The following TSHZ3 variants were observed in gnomAD, a reference collection of about 807,000 sequenced individuals.
The protein encoded by TSHZ3 is teashirt zinc finger homeobox 3.
In TSHZ3, 10 loss-of-function variants were observed where a neutral mutation model predicts 64.5. That is an observed-to-expected ratio of 0.16 (90% CI 0.10 to 0.26). The LOEUF (loss-of-function observed/expected upper bound fraction) is 0.26, where lower values mean the gene tolerates loss of function less well. Ranked by LOEUF, TSHZ3 falls within the 10% of genes least tolerant of loss-of-function variation. The pLI is 1.00. For missense variants in TSHZ3, 1,242 were observed against 1,421.7 expected, an observed-to-expected ratio of 0.87 and a Z score of 2.03; for synonymous variants, 608 against 593.1, an observed-to-expected ratio of 1.03 and a Z score of -0.36.
intron 1 of TSHZ3, among the ~76,000 whole-genome samples, chr19:31,284,658 G>A (rs960468381): frequency 6.6e-6 from 1 of 152,136 alleles, no homozygotes; most frequent in Non-Finnish European, 1.5e-5. Flanking sequence ...CCTTCCCCGG[G>A]CCTCAGGGAA....
chr19:31,257,657 A>C (rs1410924302), intron 1 of TSHZ3, among the ~76,000 whole-genome samples: 1 of 123,658 alleles, frequency 8.1e-6, no homozygotes, highest in Non-Finnish European at 1.5e-5. Context: ...GCCTGGCAGC[A>C]CAGATTGGCC....
chr19:31,317,206 A>G (rs761871369), intron 1 of TSHZ3, among the ~76,000 whole-genome samples: 38 of 151,940 alleles, frequency 2.5e-4, no homozygotes, highest in Non-Finnish European at 4.9e-4. Flanking sequence ...GCATGCCCCC[A>G]GCCCCAGCCC....
intron 3 of TSHZ3, among the ~76,000 whole-genome samples, chr19:31,240,136 C>T (rs1975668874): frequency 6.6e-6 from 1 of 151,948 alleles, no homozygotes. Flanking sequence ...TGCTGGTGTG[C>T]TCCTTACAAT....
At chr19:31,303,740 A>G (rs1011016903) in intron 1 of TSHZ3, among the ~76,000 whole-genome samples, 1 of 152,176 alleles carries the variant, frequency 6.6e-6, no homozygotes, top group African/African-American at 2.4e-5. Flanking sequence ...TGGCAAAAAG[A>G]TGGCACCCGC....
At chr19:31,329,318 G>A (rs1599651906) in intron 1 of TSHZ3, among the ~76,000 whole-genome samples, 1 of 152,226 alleles carries the variant, frequency 6.6e-6, no homozygotes. Flanking sequence ...AAATGAAGGT[G>A]TCACGCTGCC....
chr19:31,349,142 G>A (rs552514222), intron 1 of TSHZ3, 38 bp downstream of exon 1: 523 of 1,532,952 alleles, frequency 3.4e-4, no homozygotes, highest in Non-Finnish European at 4.3e-4. Context: ...CGGAGGAAGA[G>A]GAGGAGGAGA....
intron 5 of TSHZ3, among the ~76,000 whole-genome samples, chr19:31,179,706 G>A (rs1974673426): frequency 6.7e-6 from 1 of 150,322 alleles, no homozygotes; most frequent in Non-Finnish European, 1.5e-5. Flanking sequence ...GGTGGTGATG[G>A]TGGTGGTAAC....
chr19:31,344,774 C>G (rs1423763068), intron 1 of TSHZ3, among the ~76,000 whole-genome samples: 1 of 152,224 alleles, frequency 6.6e-6, no homozygotes, highest in Non-Finnish European at 1.5e-5. Context: ...CTCAACTCAC[C>G]TGGGTTTCAC....
intron 5 of TSHZ3, among the ~76,000 whole-genome samples, chr19:31,168,769 T>C (rs1391580949): frequency 1.3e-5 from 2 of 152,074 alleles, no homozygotes; most frequent in East Asian, 1.9e-4. Context: ...TGGAATGCAA[T>C]AGGTTCTGTA....
chr19:31,288,611 T>C (rs947133885), intron 1 of TSHZ3, among the ~76,000 whole-genome samples: 4 of 151,992 alleles, frequency 2.6e-5, no homozygotes, highest in African/African-American at 9.7e-5. Context: ...GGTGTGATCA[T>C]GGCTCACTGC....
intron 1 of TSHZ3, among the ~76,000 whole-genome samples, chr19:31,245,723 A>G (rs1188086596): frequency 6.6e-6 from 1 of 152,174 alleles, no homozygotes; most frequent in African/African-American, 2.4e-5. Context: ...GGATGCTTCA[A>G]GATAGTTGCA....
At chr19:31,322,055 C>G (rs1328554446) in intron 1 of TSHZ3, among the ~76,000 whole-genome samples, 1 of 152,160 alleles carries the variant, frequency 6.6e-6, no homozygotes, top group African/African-American at 2.4e-5. Context: ...TGTTCAACTC[C>G]CACTTATGAG....
chr19:31,334,747 T>C (rs949823162), intron 1 of TSHZ3, among the ~76,000 whole-genome samples: 2 of 152,188 alleles, frequency 1.3e-5, no homozygotes, highest in African/African-American at 4.8e-5. Flanking sequence ...CCATAACATA[T>C]GGCTTTGAAT....
At chr19:31,202,439 GT>G (rs1975101789) in intron 5 of TSHZ3, among the ~76,000 whole-genome samples, 1 of 152,002 alleles carries the variant, frequency 6.6e-6, no homozygotes, top group Admixed American at 6.6e-5. Flanking sequence ...GCTATTTGCT[GT>G]TTTGTAATTT....
chr19:31,261,078 C>T (rs1300940773), intron 1 of TSHZ3, among the ~76,000 whole-genome samples: 2 of 152,126 alleles, frequency 1.3e-5, no homozygotes, highest in Non-Finnish European at 2.9e-5. Flanking sequence ...AGAGAAGCAA[C>T]CTGGAAACTT....
At chr19:31,327,868 C>A (rs1223863574) in intron 1 of TSHZ3, among the ~76,000 whole-genome samples, 2 of 152,186 alleles carry the variant, frequency 1.3e-5, no homozygotes, top group African/African-American at 4.8e-5. Context: ...CTACGATATT[C>A]TCTTATTTGT....
At chr19:31,179,717 AATG>A in intron 5 of TSHZ3, among the ~76,000 whole-genome samples, 1 of 141,510 alleles carries the variant, frequency 7.1e-6, no homozygotes, top group East Asian at 2.1e-4. Context: ...TGGTGGTAAC[AATG>A]ATGATGGTAG....
intron 5 of TSHZ3, among the ~76,000 whole-genome samples, chr19:31,193,264 A>G (rs1390717969): frequency 1.3e-5 from 2 of 152,220 alleles, no homozygotes; most frequent in African/African-American, 4.8e-5. Flanking sequence ...CTTTCACTCA[A>G]GAATCCTTTA....
chr19:31,253,461 G>T (rs1456351618), intron 1 of TSHZ3, among the ~76,000 whole-genome samples: 1 of 152,176 alleles, frequency 6.6e-6, no homozygotes, highest in Admixed American at 6.5e-5. Flanking sequence ...CTCCACAGGG[G>T]TTAACAGAAA....
Sources: gnomAD v4.1 joint callset for allele counts (sites outside exome capture counted in the v4.1 genomes callset) on GRCh38, gnomAD v4.1.1 for gene constraint, MANE v1.5 for transcripts, NCBI Gene and HGNC (gene_info 2026-07-23, HGNC 2026-07-21) for gene names.